Variants in TMPRSS11A observed in about 807,000 individuals in gnomAD.
TMPRSS11A encodes the protein transmembrane serine protease 11A, also known as transmembrane protease serine 11A.
A neutral mutation model predicts 58.9 loss-of-function variants in TMPRSS11A; 53 were observed. That is an observed-to-expected ratio of 0.90 (90% CI 0.72 to 1.13). The LOEUF (loss-of-function observed/expected upper bound fraction) is 1.13, where lower values mean the gene tolerates loss of function less well. Among genes scored for constraint, TMPRSS11A ranks in the 50% most tolerant of loss-of-function variants. The pLI is 0.00. For missense variants in TMPRSS11A, 493 were observed against 499.3 expected (o/e 0.99, Z 0.12); for synonymous variants, 167 against 169.8 (o/e 0.98, Z 0.13).
intron 3 of TMPRSS11A, among the ~76,000 whole-genome samples, chr4:67,936,356 A>C (rs1337461298): frequency 6.9e-6 from 1 of 144,350 alleles, no homozygotes; most frequent in Non-Finnish European, 1.5e-5. Context: ...TTTGGATCCA[A>C]GAAGTCAGCT....
intron 5 of TMPRSS11A, among the ~76,000 whole-genome samples, chr4:67,928,130 C>T (rs759152527): frequency 5.9e-5 from 9 of 152,252 alleles, no homozygotes; most frequent in Middle Eastern, 3.4e-3. Flanking sequence ...CTGCAACCTC[C>T]GCCTCCCGGG....
Position 67,930,765 on chromosome 4 carries a change from A to C in TMPRSS11A, c.321-725T>G, listed in dbSNP as rs1239671889. 3.4e-5 allele frequency among the ~76,000 whole-genome samples: 5 copies of C among 149,038 alleles called. No homozygotes were observed. In the South Asian group the frequency reaches 6.4e-4, roughly 19 times the overall value. On this transcript the variant is annotated intron_variant, in intron 4 of 9. Transcript: ENST00000508048. ...TACAGGTTTTTGTTTAAAAAAAAAA[A>C]CAAAAAACCTTGAAACTAATATATA...
chr4:67,926,781 G>A (rs1431158151), intron 5 of TMPRSS11A, among the ~76,000 whole-genome samples: 1 of 152,174 alleles, frequency 6.6e-6, no homozygotes, highest in East Asian at 1.9e-4. Flanking sequence ...TGGGGGAGCA[G>A]CTTGGTCAGG....
intron 7 of TMPRSS11A, 50 bp from the exon 8 acceptor site, chr4:67,919,282 A>G: frequency 6.5e-7 from 1 of 1,534,688 alleles, no homozygotes; most frequent in Non-Finnish European, 8.9e-7. Context: ...CCCAAAGTAT[A>G]TGAGCTAGAT....
At chr4:67,933,500 C>T (rs1720678939) in intron 3 of TMPRSS11A, among the ~76,000 whole-genome samples, 1 of 152,072 alleles carries the variant, frequency 6.6e-6, no homozygotes, top group Non-Finnish European at 1.5e-5. Flanking sequence ...AAGTATAAAA[C>T]TTGTAGAGAT....
At chr4:67,931,928 T>C (rs764156917) in intron 4 of TMPRSS11A, 65 bp downstream of exon 4, 4 of 947,488 alleles carry the variant, frequency 4.2e-6, no homozygotes, top group Middle Eastern at 2.1e-4. Context: ...TACATGAGAG[T>C]CCCTGTCTCC....
intron 1 of TMPRSS11A, among the ~76,000 whole-genome samples, chr4:67,949,386 A>G (rs1223731955): frequency 2.0e-5 from 3 of 152,192 alleles, no homozygotes; most frequent in Non-Finnish European, 4.4e-5. Context: ...CTAGGGTGAT[A>G]AGTTGTTAGA....
chr4:67,935,773 T>A (rs1247755772), intron 3 of TMPRSS11A, among the ~76,000 whole-genome samples: 6 of 152,200 alleles, frequency 3.9e-5, no homozygotes, highest in African/African-American at 1.4e-4. Context: ...TTGCTTTACA[T>A]CAGGTTGAGA....
chr4:67,920,491 G>A (rs1202679102), intron 7 of TMPRSS11A, among the ~76,000 whole-genome samples: 1 of 147,100 alleles, frequency 6.8e-6, no homozygotes, highest in African/African-American at 2.5e-5. Context: ...CAATGTGGTA[G>A]GGCATCTGGA....
intron 1 of TMPRSS11A, among the ~76,000 whole-genome samples, chr4:67,961,287 T>C (rs532259112): frequency 3.3e-5 from 5 of 152,224 alleles, no homozygotes; most frequent in African/African-American, 1.2e-4. Context: ...TAGGGTATTG[T>C]AGTAATTATT....
intron 9 of TMPRSS11A, among the ~76,000 whole-genome samples, chr4:67,911,731 TA>T (rs895454491): frequency 2.1e-4 from 32 of 152,048 alleles, no homozygotes; most frequent in South Asian, 2.1e-4. Flanking sequence ...AGCACTTAGT[TA>T]AAAAAGGCAA....
intron 1 of TMPRSS11A, among the ~76,000 whole-genome samples, chr4:67,950,333 C>A (rs1721126870): frequency 6.6e-6 from 1 of 152,228 alleles, no homozygotes; most frequent in Non-Finnish European, 1.5e-5. Flanking sequence ...TCCCAGATGC[C>A]ATCCATTACT....
At chr4:67,944,966 G>A (rs1178111222) in intron 2 of TMPRSS11A, among the ~76,000 whole-genome samples, 1 of 152,132 alleles carries the variant, frequency 6.6e-6, no homozygotes, top group Admixed American at 6.6e-5. Context: ...GTAACTAGTA[G>A]GTGGCCTGTC....
At chr4:67,930,906 C>T (rs572034521) in intron 4 of TMPRSS11A, among the ~76,000 whole-genome samples, 83 of 132,624 alleles carry the variant, frequency 6.3e-4, no homozygotes, top group African/African-American at 2.3e-3. Context: ...AATTCTGAGA[C>T]AATTTATGTA....
rs371040022 is a variant in TMPRSS11A at position 67,931,985 on chromosome 4, A to T, written c.320+8T>A. ...CTTGTGATTCCACCTTTGCCCAAACATACATACGTCAGTCTGACTACTTGG... is the reference window on the plus strand; with the variant it reads ...CTTGTGATTCCACCTTTGCCCAAACTTACATACGTCAGTCTGACTACTTGG... On this transcript the variant is annotated splice_region_variant and intron_variant, in intron 4 of 9. Coordinates refer to ENST00000508048, the MANE Select transcript of TMPRSS11A (RefSeq NM_001114387.2). 6.3e-7 allele frequency: 1 copy of T among 1,575,338 alleles called. No homozygotes were observed. Among genetic ancestry groups the T allele is most frequent in the South Asian group, 1.1e-5 (1 of 89,988 alleles).
intron 1 of TMPRSS11A, among the ~76,000 whole-genome samples, chr4:67,957,582 A>T (rs1721317347): frequency 6.6e-6 from 1 of 152,224 alleles, no homozygotes; most frequent in Non-Finnish European, 1.5e-5. Context: ...CCAAAAGGTT[A>T]CTTGGGTGCT....
intron 8 of TMPRSS11A, among the ~76,000 whole-genome samples, chr4:67,916,564 C>T (rs1463086219): frequency 6.6e-6 from 1 of 152,092 alleles, no homozygotes; most frequent in African/African-American, 2.4e-5. Context: ...CGGTGGCTCA[C>T]GCCTGTAATC....
chr4:67,918,669 G>T (rs1395975361), intron 8 of TMPRSS11A, among the ~76,000 whole-genome samples: 1 of 152,160 alleles, frequency 6.6e-6, no homozygotes, highest in African/African-American at 2.4e-5. Flanking sequence ...AAAAGAAGGG[G>T]CAAAAAATTC....
At chr4:67,940,768 A>T (rs1035752399) in intron 3 of TMPRSS11A, among the ~76,000 whole-genome samples, 2 of 152,212 alleles carry the variant, frequency 1.3e-5, no homozygotes, top group Non-Finnish European at 2.9e-5. Flanking sequence ...GGATCATGCT[A>T]ATGCCACCAT....
Sources: gnomAD v4.1 joint callset for allele counts (sites outside exome capture counted in the v4.1 genomes callset) on GRCh38, gnomAD v4.1.1 for gene constraint, MANE v1.5 for transcripts, NCBI Gene and HGNC (gene_info 2026-07-23, HGNC 2026-07-21) for gene names.